The following NAV2 variants were observed in gnomAD, a reference collection of about 807,000 sequenced individuals.
The protein encoded by NAV2 is helicase, APC down-regulated 1.
In NAV2, 54 loss-of-function variants were observed where a neutral mutation model predicts 223.2. That is an observed-to-expected ratio of 0.24 (90% confidence interval 0.19 to 0.30). The LOEUF (loss-of-function observed/expected upper bound fraction) is 0.30. Among genes scored for constraint, NAV2 ranks in the 10% least tolerant of loss-of-function variants. The pLI is 1.00. For missense variants in NAV2, 2,806 were observed against 3,147.5 expected, an observed-to-expected ratio of 0.89 and a Z score of 2.60; for synonymous variants, 1,279 against 1,239.3, an observed-to-expected ratio of 1.03 and a Z score of -0.67.
chr11:19,817,568 T>C (rs975142143), intron 1 of NAV2, among the ~76,000 whole-genome samples: 2 of 151,888 alleles, frequency 1.3e-5, no homozygotes, highest in African/African-American at 2.4e-5. Flanking sequence ...CCTGGGCAAA[T>C]TGAGGATGGT....
At chr11:19,533,196 C>T (rs964372992) in intron 1 of NAV2, among the ~76,000 whole-genome samples, 6 of 151,964 alleles carry the variant, frequency 3.9e-5, no homozygotes, top group East Asian at 1.9e-4. Flanking sequence ...TAGTGTAGAC[C>T]GGGGTTTCTT....
intron 1 of NAV2, among the ~76,000 whole-genome samples, chr11:19,781,929 G>C (rs1168997826): frequency 6.6e-6 from 1 of 152,130 alleles, no homozygotes; most frequent in African/African-American, 2.4e-5. Flanking sequence ...TACACGTATA[G>C]ACTGATTCCC....
intron 6 of NAV2, among the ~76,000 whole-genome samples, chr11:19,899,636 G>A (rs2153183340): frequency 6.6e-6 from 1 of 152,318 alleles, no homozygotes; most frequent in East Asian, 1.9e-4. Flanking sequence ...TCTCAGAGAG[G>A]AATGATGCTC....
At chr11:19,657,186 G>T (rs2048151503) in intron 1 of NAV2, among the ~76,000 whole-genome samples, 2 of 152,170 alleles carry the variant, frequency 1.3e-5, no homozygotes, top group Non-Finnish European at 1.5e-5. Context: ...AGTAAGACCA[G>T]TGGCTCAACC....
At position 20,044,186 on chromosome 11, in the gene NAV2, G is replaced by A. The variant is rs558087930; in HGVS notation, c.3113G>A (p.Arg1038Gln). 8.1e-6 allele frequency: 13 copies of A among 1,614,194 alleles called. No homozygotes were observed. The highest frequency in any genetic ancestry group is 3.3e-5 in the South Asian group (3 of 91,090). The change falls in exon 13 of 38, where the codon CGG becomes CAG. Residue 1038 changes from arginine to glutamine, a missense_variant. By Grantham distance (43) the Arg-to-Gln change is conservative. This residue lies in a region of NAV2 where 742 missense variants were observed against 777.9 expected (regional missense o/e 0.95). Coordinates refer to ENST00000349880, the MANE Select transcript of NAV2 (RefSeq NM_145117.5). ...NPVISQTGSW[R>Q]RGMTAQVGIT... ...GTCATCTCCCAGACAGGCTCATGGCGGCGAGGCATGACAGCTCAGGTGGGC... is the reference window on the plus strand; with the variant it reads ...GTCATCTCCCAGACAGGCTCATGGCAGCGAGGCATGACAGCTCAGGTGGGC...
chr11:19,427,978 TG>T (rs1339357166), intron 1 of NAV2, among the ~76,000 whole-genome samples: 9 of 152,156 alleles, frequency 5.9e-5, no homozygotes, highest in Non-Finnish European at 1.0e-4. Context: ...TGATTGTGTT[TG>T]GGGTATTTTT....
intron 1 of NAV2, among the ~76,000 whole-genome samples, chr11:19,394,470 T>A (rs1413266603): frequency 2.0e-5 from 3 of 152,204 alleles, no homozygotes; most frequent in Non-Finnish European, 4.4e-5. Context: ...GGGCGCATAG[T>A]GGTCAATGTA....
rs141160433 is a variant in NAV2, at chr11:19,579,585, C to A, written c.75+228558C>A. On this transcript the variant is annotated intron_variant, in intron 1 of 37. Transcript: ENST00000360655. The stretch of plus-strand genomic sequence containing the variant: ...GAATATGTTGATTTACCTTTCCAAG[C>A]CTTGCTTTCCTCCTCTGGAAGATAG... Among the ~76,000 whole-genome samples, 8 of 152,306 alleles carry A rather than the reference C, an allele frequency of 5.3e-5. No individual in the cohort carries two copies. The East Asian group carries it at 5.8e-4, about 11-fold the overall frequency.
At chr11:20,116,547 A>G (rs2063107954) in intron 37 of NAV2, among the ~76,000 whole-genome samples, 1 of 152,248 alleles carries the variant, frequency 6.6e-6, no homozygotes. Context: ...TAACTTACAT[A>G]GAAAATAGAA....
chr11:19,747,219 GA>G (rs2053445290), intron 1 of NAV2, among the ~76,000 whole-genome samples: 1 of 151,832 alleles, frequency 6.6e-6, no homozygotes, highest in Non-Finnish European at 1.5e-5. Context: ...TAAAGGACAC[GA>G]ACTCATCATT....
chr11:19,382,575 C>A (rs577720764), intron 1 of NAV2, among the ~76,000 whole-genome samples: 2 of 152,176 alleles, frequency 1.3e-5, no homozygotes, highest in South Asian at 4.1e-4. Context: ...TTGTCTCCCC[C>A]ACATTGCAGA....
At chr11:19,948,501 G>A (rs1217900527) in intron 9 of NAV2, among the ~76,000 whole-genome samples, 190 bp from the exon 10 acceptor site, 1 of 152,158 alleles carries the variant, frequency 6.6e-6, no homozygotes, top group African/African-American at 2.4e-5. Context: ...TTTTCAGAAT[G>A]TTATGTAGAT....
chr11:19,438,234 C>T (rs1269245702), intron 1 of NAV2, among the ~76,000 whole-genome samples: 1 of 152,188 alleles, frequency 6.6e-6, no homozygotes, highest in African/African-American at 2.4e-5. Flanking sequence ...CTTGTCAATC[C>T]TTAACAGCAA....
chr11:19,675,818 G>T (rs2216997), intron 1 of NAV2, among the ~76,000 whole-genome samples: 117,113 of 152,168 alleles, frequency 0.77, 48,268 homozygotes, highest in Non-Finnish European at 0.91. Flanking sequence ...TACAGCAATT[G>T]GTAATTCACG....
intron 1 of NAV2, among the ~76,000 whole-genome samples, chr11:19,813,035 T>A (rs2058917482): frequency 6.6e-6 from 1 of 152,154 alleles, no homozygotes; most frequent in Admixed American, 6.6e-5. Flanking sequence ...CATGCCAATG[T>A]CTCGGTAGCC....
At chr11:19,760,601 C>T (rs887369319) in intron 1 of NAV2, among the ~76,000 whole-genome samples, 4 of 152,136 alleles carry the variant, frequency 2.6e-5, no homozygotes, top group Non-Finnish European at 4.4e-5. Context: ...GCTTCTTTCC[C>T]CTCTGTAGAA....
chr11:20,035,976 C>T lies in NAV2; in HGVS notation c.2786C>T (p.Ser929Phe). 6.2e-7 allele frequency: 1 copy of T among 1,614,154 alleles called. No homozygotes were observed. ...GDADSWDDSSSVSSGISDTID... is the reference protein window; with the variant it reads ...GDADSWDDSSFVSSGISDTID... ...CTTGGCAGCTGGGACGACAGCAGCT[C>T]CGTCAGCAGCGGCATCAGCGACACC... The change falls in exon 12 of 38, where the codon TCC becomes TTC. Residue 929 changes from serine (S) to phenylalanine (F), a missense_variant. By Grantham distance (155) the Ser-to-Phe change is radical. This residue lies in a region of NAV2 where 73 missense variants were observed against 119.7 expected (regional missense o/e 0.61). Coordinates refer to ENST00000349880, the MANE Select transcript of NAV2 (RefSeq NM_145117.5).
At chr11:19,357,964 C>G (rs891988920) in intron 1 of NAV2, among the ~76,000 whole-genome samples, 2 of 152,162 alleles carry the variant, frequency 1.3e-5, no homozygotes, top group African/African-American at 4.8e-5. Flanking sequence ...CCTATAACCT[C>G]AGCACCAGGA....
At chr11:19,923,400 T>C (rs10766604) in intron 6 of NAV2, among the ~76,000 whole-genome samples, 85,710 of 151,834 alleles carry the variant, frequency 0.56, 24,618 homozygotes, top group South Asian at 0.72. Flanking sequence ...AAAAAAAAAA[T>C]TATTTGACTA....
Sources: gnomAD v4.1 joint callset for allele counts (sites outside exome capture counted in the v4.1 genomes callset) on GRCh38, gnomAD v4.1.1 for gene constraint, gnomAD v4.1.1 regional missense constraint, MANE v1.5 for transcripts, NCBI Gene and HGNC (gene_info 2026-07-23, HGNC 2026-07-21) for gene names.